DCAF6: variants seen among roughly 807,000 people sequenced by gnomAD.
The protein encoded by DCAF6 is DDB1 and CUL4 associated factor 6, also known as DDB1- and CUL4-associated factor 6.
A neutral mutation model predicts 125.1 loss-of-function variants in DCAF6; 54 were observed. The ratio of observed to expected loss-of-function variants is 0.43; its 90% confidence interval spans 0.35 to 0.54. The LOEUF is 0.54. Ranked by LOEUF, DCAF6 falls within the 20% of genes least tolerant of loss-of-function variation. DCAF6 has a pLI of 0.01. For synonymous variants in DCAF6, 371 were observed against 390.4 expected (o/e 0.95, Z 0.58); for missense variants, 934 against 1,161.7 (o/e 0.80, Z 2.85).
At chr1:167,943,002 G>A (rs1033427942) in intron 1 of DCAF6, among the ~76,000 whole-genome samples, 1 of 152,116 alleles carries the variant, frequency 6.6e-6, no homozygotes, top group Non-Finnish European at 1.5e-5. Flanking sequence ...CGCCTCCTGG[G>A]TTCACACCAT....
intron 16 of DCAF6, among the ~76,000 whole-genome samples, chr1:168,049,559 G>A (rs901640583): frequency 1.3e-5 from 2 of 149,800 alleles, no homozygotes; most frequent in Non-Finnish European, 3.0e-5. Context: ...ACCGCGCCTG[G>A]CCATATACTG....
chr1:168,055,735 T>G (rs1443889400), intron 17 of DCAF6, among the ~76,000 whole-genome samples: 1 of 80,442 alleles, frequency 1.2e-5, no homozygotes, highest in Non-Finnish European at 2.2e-5. Flanking sequence ...CTATAATCAT[T>G]AGAAAGTTAA....
In DCAF6 at chr1:168,039,805, ATTAC is replaced by A. The variant is rs1367383296; in HGVS notation, c.1727+1320_1727+1323del. Among the ~76,000 whole-genome samples the A allele has an allele frequency of 8.6e-5, 13 of 150,738 alleles. No homozygotes were observed. In the South Asian group the frequency reaches 2.1e-3, roughly 24 times the overall value. On this transcript the variant is annotated intron_variant, in intron 13 of 21. Transcript: ENST00000367840. ...AATGAATTATATGTTGATATGTGATATTACTTTTATTTAAATTCACTGGTTTCCA... is the reference window on the plus strand; with the variant it reads ...AATGAATTATATGTTGATATGTGATATTTTATTTAAATTCACTGGTTTCCA...
intron 10 of DCAF6, among the ~76,000 whole-genome samples, chr1:168,007,610 G>A (rs1683509158): frequency 6.6e-6 from 1 of 151,980 alleles, no homozygotes; most frequent in African/African-American, 2.4e-5. Flanking sequence ...TTTAACATAG[G>A]CTGTCACTCC....
chr1:167,985,855 A>G (rs900313982), intron 4 of DCAF6, among the ~76,000 whole-genome samples: 4 of 152,200 alleles, frequency 2.6e-5, no homozygotes, highest in African/African-American at 9.6e-5. Flanking sequence ...CTAGAACAAG[A>G]AACAGCCCCC....
At chr1:167,898,631 T>C in the DCAF6 span, among the ~76,000 whole-genome samples, 4 of 151,334 alleles carry the variant, frequency 2.6e-5, no homozygotes, top group East Asian at 7.8e-4. Flanking sequence ...TTGAAGAGCA[T>C]GGGAATGGGC....
rs1346155754 is a variant in DCAF6, at chr1:168,050,883, C to T, written c.2259-9C>T. On this transcript the variant is annotated splice_polypyrimidine_tract_variant and intron_variant, in intron 16 of 21. Coordinates refer to ENST00000367840, the MANE Select transcript of DCAF6 (RefSeq NM_001198956.2). Reference sequence around the variant, plus strand: ...TAAGTGATTTCAGTTATTGTGTTCCCTTCACTAGATTTAATATCAGAGGAA... The same window carrying T: ...TAAGTGATTTCAGTTATTGTGTTCCTTTCACTAGATTTAATATCAGAGGAA... 1.5e-6 allele frequency: 2 copies of T among 1,349,886 alleles called. No homozygotes were observed. The highest frequency in any genetic ancestry group is 2.0e-6 in the Non-Finnish European group (2 of 1,022,084). 83.6% of individuals were successfully genotyped at this position (1,349,886 alleles called of 1,614,324 possible). A position where few individuals can be genotyped will look rare whatever the true frequency, so the allele number is the denominator to read the frequency against.
intron 15 of DCAF6, 40 bp downstream of exon 15, chr1:168,044,711 A>G: frequency 6.5e-7 from 1 of 1,538,432 alleles, no homozygotes; most frequent in Non-Finnish European, 9.0e-7. Flanking sequence ...GTATGGGAAA[A>G]TAAAAAGCCT....
At chr1:167,886,373 G>T in the DCAF6 span, among the ~76,000 whole-genome samples, 1 of 152,122 alleles carries the variant, frequency 6.6e-6, no homozygotes, top group African/African-American at 2.4e-5. Flanking sequence ...GAATGGAACA[G>T]ATCCCTCAGA....
At chr1:167,886,639 A>C in the DCAF6 span, among the ~76,000 whole-genome samples, 160 of 152,346 alleles carry the variant, frequency 1.1e-3, 1 homozygote, top group Non-Finnish European at 1.7e-3. Context: ...AGGCATGGGC[A>C]AGGACTTCAT....
In DCAF6 at chr1:168,044,580, T is replaced by TA; in HGVS notation, c.1844-4dup. 1.2e-6 allele frequency: 2 copies of TA among 1,609,036 alleles called. No individual in the cohort carries two copies. Among genetic ancestry groups the TA allele is most frequent in the Non-Finnish European group, 1.7e-6 (2 of 1,175,888 alleles). ...AGGGATGACTGTAATTTGGTTTACTTACAGAAGCTCCTGAAGAATCATCAG... is the reference window on the plus strand; with the variant it reads ...AGGGATGACTGTAATTTGGTTTACTTAACAGAAGCTCCTGAAGAATCATCAG... On this transcript the variant is annotated splice_region_variant and splice_polypyrimidine_tract_variant and intron_variant, in intron 14 of 21. Coordinates refer to ENST00000367840, the MANE Select transcript of DCAF6 (RefSeq NM_001198956.2).
Position 167,966,663 on chromosome 1 carries a change from A to T in DCAF6, c.194A>T (p.Tyr65Phe). 6.2e-7 allele frequency: 1 copy of T among 1,605,500 alleles called. No individual in the cohort carries two copies. The highest frequency in any genetic ancestry group is 8.5e-7 in the Non-Finnish European group (1 of 1,172,788). ...ATCTGTTGGAATGACACTGGAGAAT[A>T]TATTTTATCTGGCTCAGATGACACC... The part of the protein sequence containing the change: ...NTICWNDTGE[Y>F]ILSGSDDTKL... Residue 65 changes from tyrosine to phenylalanine, a missense_variant, in exon 3 of 22, where the codon TAT becomes TTT. Tyr to Phe is a conservative substitution (Grantham distance 22). Around this residue, in one of 5 missense-constraint regions of DCAF6, gnomAD observed 309 missense variants for 381.2 expected, o/e 0.81. Coordinates refer to ENST00000367840, the MANE Select transcript of DCAF6 (RefSeq NM_001198956.2).
At chr1:167,996,330 G>T (rs1681691771) in intron 7 of DCAF6, among the ~76,000 whole-genome samples, 1 of 150,146 alleles carries the variant, frequency 6.7e-6, no homozygotes, top group African/African-American at 2.5e-5. Flanking sequence ...CCCCATTATT[G>T]GGCTTCTTTG....
At chr1:167,966,813 T>G in intron 3 of DCAF6, 92 bp downstream of exon 3, 1 of 775,782 alleles carries the variant, frequency 1.3e-6, no homozygotes, top group Non-Finnish European at 2.2e-6. Context: ...AGAATGGGCA[T>G]TTATATTAGA....
chr1:167,992,284 A>ACACACACACACACACACACACAC (rs1557943229), intron 6 of DCAF6, among the ~76,000 whole-genome samples: 1 of 82,064 alleles, frequency 1.2e-5, no homozygotes, highest in Admixed American at 1.5e-4. Flanking sequence ...CACACACACA[A>ACACACACACACACACACACACAC]ACACCGAATG....
At chr1:167,890,623 GT>G in the DCAF6 span, among the ~76,000 whole-genome samples, 3 of 152,168 alleles carry the variant, frequency 2.0e-5, no homozygotes, top group Non-Finnish European at 4.4e-5. Flanking sequence ...AGCCAGCCAG[GT>G]TTGTGTCTTT....
At chr1:167,905,052 GA>G in the DCAF6 span, 4 of 1,614,214 alleles carry the variant, frequency 2.5e-6, no homozygotes, top group South Asian at 4.4e-5. Flanking sequence ...TCGCTCTGGG[GA>G]GAAATGTCCA....
chr1:167,976,019 T>G (rs1678099812), intron 4 of DCAF6, among the ~76,000 whole-genome samples: 1 of 152,216 alleles, frequency 6.6e-6, no homozygotes, highest in Admixed American at 6.5e-5. Flanking sequence ...AGATTTTGTT[T>G]TCTTATCCAG....
chr1:168,072,796 G>A (rs766203863), intron 21 of DCAF6, among the ~76,000 whole-genome samples: 25 of 152,238 alleles, frequency 1.6e-4, no homozygotes, highest in Middle Eastern at 3.4e-3. Flanking sequence ...GCTTCCATTG[G>A]GAAATTTTTT....
Sources: gnomAD v4.1 joint callset for allele counts (sites outside exome capture counted in the v4.1 genomes callset) on GRCh38, gnomAD v4.1.1 for gene constraint, gnomAD v4.1.1 regional missense constraint, MANE v1.5 for transcripts, NCBI Gene and HGNC (gene_info 2026-07-23, HGNC 2026-07-21) for gene names.